SH3GL2: variants seen among roughly 807,000 people sequenced by gnomAD.
SH3GL2 encodes the protein SH3 domain containing GRB2 like 2, endophilin A1.
SH3GL2 carries 24 observed loss-of-function variants against 46.0 expected under a neutral mutation model. The ratio of observed to expected loss-of-function variants is 0.52; its 90% CI spans 0.38 to 0.73. The LOEUF (loss-of-function observed/expected upper bound fraction) is 0.73. Ranked by LOEUF, SH3GL2 falls within the 30% of genes least tolerant of loss-of-function variation. SH3GL2 has a pLI of 0.00. For missense variants in SH3GL2, 413 were observed against 424.2 expected, an observed-to-expected ratio of 0.97 and a Z score of 0.23; for synonymous variants, 196 against 147.1, an observed-to-expected ratio of 1.33 and a Z score of -2.40.
chr9:17,753,888 C>A (rs984194596), intron 2 of SH3GL2, among the ~76,000 whole-genome samples: 1 of 152,162 alleles, frequency 6.6e-6, no homozygotes, highest in Non-Finnish European at 1.5e-5. Context: ...TTTCAATCTT[C>A]TGCATATGGC....
Position 17,690,376 on chromosome 9 carries a change from C to T in SH3GL2, c.46-56690C>T, listed in dbSNP as rs191344940. Reference sequence around the variant, plus strand: ...CCTCCAAGCTTTATCTCCCTATCCACTATCTGAACTTCGTGCTGCAGCTCC... The same window carrying T: ...CCTCCAAGCTTTATCTCCCTATCCATTATCTGAACTTCGTGCTGCAGCTCC... On this transcript the variant is annotated intron_variant, in intron 1 of 8. Coordinates refer to ENST00000380607, the MANE Select transcript of SH3GL2 (RefSeq NM_003026.5). Among the ~76,000 whole-genome samples, 194 of 152,266 alleles carry T rather than the reference C, an allele frequency of 1.3e-3. 1 individual carries two copies. Among genetic ancestry groups the T allele is most frequent in the African/African-American group, 4.4e-3 (181 of 41,570 alleles).
At chr9:17,618,158 T>A (rs1166020697) in intron 1 of SH3GL2, among the ~76,000 whole-genome samples, 1 of 152,176 alleles carries the variant, frequency 6.6e-6, no homozygotes, top group South Asian at 2.1e-4. Context: ...AGGGGATGTT[T>A]GGCAATGTCT....
intron 1 of SH3GL2, among the ~76,000 whole-genome samples, chr9:17,724,832 G>A (rs1399532512): frequency 6.6e-6 from 1 of 152,146 alleles, no homozygotes; most frequent in African/African-American, 2.4e-5. Context: ...GTGTTTATCT[G>A]TTAGTGTGGG....
At chr9:17,648,907 T>C (rs1253913493) in intron 1 of SH3GL2, among the ~76,000 whole-genome samples, 1 of 152,204 alleles carries the variant, frequency 6.6e-6, no homozygotes, top group Admixed American at 6.5e-5. Flanking sequence ...AATCATTTTT[T>C]CCCAAATTAT....
intron 1 of SH3GL2, among the ~76,000 whole-genome samples, chr9:17,676,566 A>G (rs1820617336): frequency 6.6e-6 from 1 of 152,232 alleles, no homozygotes; most frequent in Non-Finnish European, 1.5e-5. Flanking sequence ...AGATTGCACC[A>G]CTGCACTCCA....
intron 1 of SH3GL2, among the ~76,000 whole-genome samples, chr9:17,719,038 C>G (rs10114726): frequency 0.035 from 5,386 of 152,154 alleles, 249 homozygotes; most frequent in East Asian, 0.1. Context: ...CTTGAAGTAT[C>G]TTCAGTGTGA....
chr9:17,702,291 A>G (rs1354416725), intron 1 of SH3GL2, among the ~76,000 whole-genome samples: 1 of 152,134 alleles, frequency 6.6e-6, no homozygotes, highest in African/African-American at 2.4e-5. Flanking sequence ...TTAATGAATG[A>G]AATCATAAAA....
chr9:17,727,842 T>G (rs1822062518), intron 1 of SH3GL2, among the ~76,000 whole-genome samples: 1 of 152,058 alleles, frequency 6.6e-6, no homozygotes, highest in Admixed American at 6.6e-5. Context: ...ACCCCTCTCT[T>G]CTGGCTCCTT....
At chr9:17,774,369 C>G (rs1018845657) in intron 3 of SH3GL2, among the ~76,000 whole-genome samples, 7 of 152,100 alleles carry the variant, frequency 4.6e-5, no homozygotes, top group Admixed American at 3.9e-4. Context: ...CGTTACTGAT[C>G]TTAGAGTAAA....
chr9:17,683,074 G>C (rs1212544212), intron 1 of SH3GL2, among the ~76,000 whole-genome samples: 2 of 152,124 alleles, frequency 1.3e-5, no homozygotes, highest in East Asian at 3.9e-4. Flanking sequence ...GAAAAGGTAT[G>C]AGTTTCCAAG....
At chr9:17,639,207 G>A (rs1819615305) in intron 1 of SH3GL2, among the ~76,000 whole-genome samples, 1 of 152,134 alleles carries the variant, frequency 6.6e-6, no homozygotes, top group African/African-American at 2.4e-5. Context: ...GAAAAAAGTG[G>A]TAAATTTTAA....
intron 1 of SH3GL2, among the ~76,000 whole-genome samples, chr9:17,650,024 C>G (rs1005671213): frequency 3.3e-5 from 5 of 152,128 alleles, no homozygotes; most frequent in Admixed American, 1.3e-4. Flanking sequence ...ATTTAGTGTT[C>G]CACATATTTC....
chr9:17,640,828 A>G (rs1819662733), intron 1 of SH3GL2, among the ~76,000 whole-genome samples: 1 of 152,238 alleles, frequency 6.6e-6, no homozygotes. Flanking sequence ...GTCAGCTTTA[A>G]CATATCCTTT....
chr9:17,734,843 T>C (rs1822283343), intron 1 of SH3GL2, among the ~76,000 whole-genome samples: 1 of 152,128 alleles, frequency 6.6e-6, no homozygotes, highest in Non-Finnish European at 1.5e-5. Context: ...AAAAAAATTC[T>C]TTTTGGTATG....
At chr9:17,617,590 A>G (rs1382216382) in intron 1 of SH3GL2, among the ~76,000 whole-genome samples, 3 of 152,206 alleles carry the variant, frequency 2.0e-5, no homozygotes, top group East Asian at 1.9e-4. Context: ...TGAGTATCAC[A>G]TATTTGAAGA....
At chr9:17,703,463 TC>T (rs1821387170) in intron 1 of SH3GL2, among the ~76,000 whole-genome samples, 2 of 151,796 alleles carry the variant, frequency 1.3e-5, no homozygotes, top group Admixed American at 1.3e-4. Flanking sequence ...GTCAGCATCA[TC>T]CTGATACCAA....
At chr9:17,648,606 A>G (rs763133440) in intron 1 of SH3GL2, among the ~76,000 whole-genome samples, 55 of 152,166 alleles carry the variant, frequency 3.6e-4, no homozygotes, top group Non-Finnish European at 7.4e-4. Flanking sequence ...CATTATTATT[A>G]TAATAAATTT....
At chr9:17,693,328 C>T (rs1289349808) in intron 1 of SH3GL2, among the ~76,000 whole-genome samples, 1 of 152,108 alleles carries the variant, frequency 6.6e-6, no homozygotes, top group African/African-American at 2.4e-5. Context: ...AACAGAAACC[C>T]TACCATTTAG....
At chr9:17,720,911 T>C (rs1821879920) in intron 1 of SH3GL2, among the ~76,000 whole-genome samples, 2 of 152,124 alleles carry the variant, frequency 1.3e-5, no homozygotes, top group South Asian at 4.1e-4. Context: ...GTCACTACAG[T>C]GGCTTTCCAG....
Sources: allele counts gnomAD v4.1 joint callset (sites outside exome capture counted in the v4.1 genomes callset), GRCh38; gene constraint gnomAD v4.1.1; transcripts MANE v1.5; gene names NCBI Gene and HGNC (gene_info 2026-07-23, HGNC 2026-07-21).